The following ZFHX3 variants were observed in gnomAD, a reference collection of about 807,000 sequenced individuals.
ZFHX3 encodes the protein zinc finger homeobox 3.
Under a neutral mutation model 279.1 loss-of-function variants are expected in ZFHX3, and 42 were observed. The ratio of observed to expected loss-of-function variants is 0.15; its 90% CI spans 0.12 to 0.19. The LOEUF (loss-of-function observed/expected upper bound fraction) is 0.19, where lower values mean the gene tolerates loss of function less well. Ranked by LOEUF, ZFHX3 falls within the 10% of genes least tolerant of loss-of-function variation. The pLI, the probability that ZFHX3 is intolerant of heterozygous loss-of-function variation, is 1.00. For synonymous variants in ZFHX3, 2,293 were observed against 1,957.8 expected, an observed-to-expected ratio of 1.17 and a Z score of -4.52; for missense variants, 4,981 against 4,754.0, an observed-to-expected ratio of 1.05 and a Z score of -1.40.
intron 1 of ZFHX3, among the ~76,000 whole-genome samples, chr16:73,766,958 TG>T (rs1426203300): frequency 6.9e-6 from 1 of 145,028 alleles, no homozygotes; most frequent in East Asian, 2.0e-4. Context: ...TTTTCCGAGA[TG>T]GAGTCTTACT....
rs771102275 is a variant in ZFHX3, at chr16:72,795,553, G to A, written c.7129C>T (p.Pro2377Ser). The change falls in exon 9 of 10, where the codon CCT becomes TCT. Residue 2377 changes from proline to serine, a missense_variant. Around this residue, in one of 7 missense-constraint regions of ZFHX3, gnomAD observed 744 missense variants for 701.3 expected, o/e 1.06. Coordinates refer to ENST00000268489, the MANE Select transcript of ZFHX3 (RefSeq NM_006885.4). ...GGGGTACTGCAGGATGAGCTGGTAG[G>A]CGTCAGGATTTCCATGGCATCCATG... ...DSMDAMEILT[P>S]TSSSCSTPMP... The A allele has an allele frequency of 1.2e-5, 19 of 1,614,090 alleles. No homozygotes were observed. Among genetic ancestry groups the A allele is most frequent in the Non-Finnish European group, 1.6e-5 (19 of 1,180,016 alleles).
chr16:73,487,381 T>C, intron 2 of ZFHX3: 1 of 405,244 alleles, frequency 2.5e-6, no homozygotes, highest in South Asian at 1.9e-5. Context: ...AAGGGTCCAA[T>C]AAATCACACC....
intron 1 of ZFHX3, among the ~76,000 whole-genome samples, chr16:73,879,258 T>G (rs2030062138): frequency 7.1e-6 from 1 of 140,792 alleles, no homozygotes; most frequent in Non-Finnish European, 1.5e-5. Context: ...TAGGAAAGAC[T>G]ACCATCGTGG....
intron 1 of ZFHX3, among the ~76,000 whole-genome samples, chr16:72,981,568 T>C (rs1430231772): frequency 6.6e-6 from 1 of 152,248 alleles, no homozygotes; most frequent in Non-Finnish European, 1.5e-5. Context: ...AGCACCTTAA[T>C]TGCTTTGCAA....
At chr16:73,560,742 G>T (rs1212917206) in intron 2 of ZFHX3, among the ~76,000 whole-genome samples, 1 of 152,206 alleles carries the variant, frequency 6.6e-6, no homozygotes, top group African/African-American at 2.4e-5. Context: ...CCATAATCAG[G>T]AGATGGGAAG....
intron 3 of ZFHX3, among the ~76,000 whole-genome samples, chr16:72,890,440 T>C (rs1463978415): frequency 1.3e-5 from 2 of 152,068 alleles, no homozygotes; most frequent in Non-Finnish European, 2.9e-5. Flanking sequence ...AGGCAGTTCT[T>C]AGTAGCAGCA....
chr16:73,310,071 G>A lies in ZFHX3; in HGVS notation c.-1194+8169C>T, dbSNP rs1358212355. ...TTACAGGTGCCCACCACCACGCCTG[G>A]CTCATTTTTGTATTTTTAGTAGAGA... On this transcript the variant is annotated intron_variant, in intron 4 of 17. Transcript: ENST00000641206. Among the ~76,000 whole-genome samples, 5 of 152,060 alleles carry A rather than the reference G, an allele frequency of 3.3e-5. No homozygotes were observed. In the East Asian group the frequency reaches 9.7e-4, roughly 29 times the overall value.
intron 2 of ZFHX3, among the ~76,000 whole-genome samples, chr16:73,480,087 T>G (rs935107966): frequency 1.3e-5 from 2 of 152,208 alleles, no homozygotes; most frequent in Non-Finnish European, 2.9e-5. Flanking sequence ...CTTTTTGTTT[T>G]CTTTTTTCCT....
At chr16:73,286,397 C>G (rs1448811609) in intron 4 of ZFHX3, among the ~76,000 whole-genome samples, 9 of 152,216 alleles carry the variant, frequency 5.9e-5, no homozygotes, top group Admixed American at 5.9e-4. Context: ...GCTCTGTGAA[C>G]CCCAGTCAAG....
intron 3 of ZFHX3, among the ~76,000 whole-genome samples, chr16:73,434,818 C>T (rs796823464): frequency 7.9e-5 from 12 of 152,174 alleles, no homozygotes; most frequent in African/African-American, 2.9e-4. Flanking sequence ...GACTGAGGTA[C>T]CCACTCAAAC....
chr16:73,670,637 C>A (rs1029948853), intron 2 of ZFHX3, among the ~76,000 whole-genome samples: 1 of 152,086 alleles, frequency 6.6e-6, no homozygotes, highest in African/African-American at 2.4e-5. Flanking sequence ...ATAGGGAAAA[C>A]GTAATGAAAT....
Position 73,704,541 on chromosome 16 carries a change from G to GCT in ZFHX3, c.-1607-24303_-1607-24302dup, listed in dbSNP as rs554943862. Reference sequence around the variant, plus strand: ...CGCACTGTACTGCACATAAGACACTGCTACCAATGGGCTCACGTATGTCTG... The same window carrying GCT: ...CGCACTGTACTGCACATAAGACACTGCTCTACCAATGGGCTCACGTATGTCTG... On this transcript the variant is annotated intron_variant, in intron 1 of 17. Transcript: ENST00000641206. Among the ~76,000 whole-genome samples, 57 of 152,314 alleles carry GCT rather than the reference G, an allele frequency of 3.7e-4. No homozygotes were observed. The South Asian group carries it at 6.6e-3, about 18-fold the overall frequency.
intron 5 of ZFHX3, chr16:73,233,031 A>G (rs994208524): frequency 2.0e-5 from 3 of 146,522 alleles, no homozygotes; most frequent in Non-Finnish European, 3.0e-5. Flanking sequence ...AGATCGACTA[A>G]TTGTTGGCAA....
intron 1 of ZFHX3, among the ~76,000 whole-genome samples, chr16:73,863,316 A>C (rs1961930427): frequency 6.6e-6 from 1 of 152,178 alleles, no homozygotes; most frequent in South Asian, 2.1e-4. Flanking sequence ...AAAGAGTAGG[A>C]TCATGAACAA....
chr16:73,136,587 T>C (rs140646281), intron 6 of ZFHX3, among the ~76,000 whole-genome samples: 2,383 of 151,628 alleles, frequency 0.016, 69 homozygotes, highest in African/African-American at 0.055. Flanking sequence ...TAGTCAGGCA[T>C]GGTGGTGCAT....
At chr16:73,317,420 T>A (rs1427748343) in intron 4 of ZFHX3, among the ~76,000 whole-genome samples, 1 of 152,220 alleles carries the variant, frequency 6.6e-6, no homozygotes, top group Non-Finnish European at 1.5e-5. Context: ...CTAAGTTTAT[T>A]TATTGTGGCT....
chr16:73,315,875 C>A (rs377495536), intron 4 of ZFHX3, among the ~76,000 whole-genome samples: 1 of 152,186 alleles, frequency 6.6e-6, no homozygotes, highest in Non-Finnish European at 1.5e-5. Flanking sequence ...TTTCAGCCCC[C>A]CTGGGAGTTG....
chr16:72,959,192 G>A lies in ZFHX3; in HGVS notation c.954C>T (p.Ser318=). 6.2e-7 allele frequency: 1 copy of A among 1,614,200 alleles called. No homozygotes were observed. The highest frequency in any genetic ancestry group is 8.5e-7 in the Non-Finnish European group (1 of 1,180,030). The change falls in exon 2 of 10, where the codon AGC becomes AGT. Residue 318 remains serine, a synonymous_variant. Coordinates refer to ENST00000268489, the MANE Select transcript of ZFHX3 (RefSeq NM_006885.4). ...TLSEDERKIL[S]NKNISAIIQG... ...GGATGATAGCGGAGATGTTCTTATT[G>A]CTAAGAATTTTCCGCTCGTCTTCGC... is the stretch of plus-strand genomic sequence containing the variant.
intron 4 of ZFHX3, among the ~76,000 whole-genome samples, chr16:73,274,530 G>A (rs1421659337): frequency 1.3e-5 from 2 of 152,062 alleles, no homozygotes; most frequent in Non-Finnish European, 2.9e-5. Context: ...TGGGTTTATT[G>A]ATGTCACTTT....
Sources: allele counts gnomAD v4.1 joint callset (sites outside exome capture counted in the v4.1 genomes callset), GRCh38; gene constraint gnomAD v4.1.1; regional missense constraint gnomAD v4.1.1; transcripts MANE v1.5; gene names NCBI Gene and HGNC (gene_info 2026-07-23, HGNC 2026-07-21).